Variants in RRP1 observed in about 807,000 individuals in gnomAD.
RRP1 encodes ribosomal RNA processing 1, also known as ribosomal RNA processing protein 1 homolog A.
Under a neutral mutation model 54.6 loss-of-function variants are expected in RRP1, and 37 were observed. That is an observed-to-expected ratio of 0.68 (90% CI 0.52 to 0.89). RRP1 has a LOEUF of 0.89. Among genes scored for constraint, RRP1 ranks in the 40% least tolerant of loss-of-function variants. The pLI is 0.00. For synonymous variants in RRP1, 262 were observed against 244.3 expected, an observed-to-expected ratio of 1.07 and a Z score of -0.67; for missense variants, 639 against 612.5, an observed-to-expected ratio of 1.04 and a Z score of -0.46.
chr21:43,805,104 C>G lies in RRP1; in HGVS notation c.*1330C>G, dbSNP rs1291693336. ...ACCAGACTGACCAACATGGAGAAAC[C>G]CCATCTCTACTAAAATACAAAATTA... is the stretch of plus-strand genomic sequence containing the variant. On this transcript the variant is annotated 3_prime_UTR_variant, in exon 13 of 13. Transcript: ENST00000497547. 6.6e-6 allele frequency: 1 copy of G among 152,208 alleles called. No individual in the cohort carries two copies. Among genetic ancestry groups the G allele is most frequent in the Non-Finnish European group, 1.5e-5 (1 of 68,104 alleles). 9.4% of individuals were successfully genotyped at this position (152,208 alleles called of 1,614,324 possible). A position where few individuals can be genotyped will look rare whatever the true frequency, so the allele number is the denominator to read the frequency against.
chr21:43,792,930 C>G (rs1457653817), intron 3 of RRP1: 1 of 599,410 alleles, frequency 1.7e-6, no homozygotes, highest in African/African-American at 1.9e-5. Flanking sequence ...GCTCATTTAC[C>G]CAAAACCCTC....
At chr21:43,798,987 T>C (rs2085053992) in intron 8 of RRP1, among the ~76,000 whole-genome samples, 2 of 147,750 alleles carry the variant, frequency 1.4e-5, no homozygotes, top group Admixed American at 6.8e-5. Flanking sequence ...TCTCAGTAGC[T>C]GAGGTGCCTG....
At chr21:43,791,039 G>A (rs1237286606) in intron 1 of RRP1, 5 of 498,970 alleles carry the variant, frequency 1.0e-5, no homozygotes, top group Non-Finnish European at 1.6e-5. Context: ...CCACTGTCCA[G>A]CTTAGGAAAC....
At chr21:43,803,209 C>T (rs1214905536) in intron 12 of RRP1, among the ~76,000 whole-genome samples, 1 of 152,224 alleles carries the variant, frequency 6.6e-6, no homozygotes, top group Non-Finnish European at 1.5e-5. Flanking sequence ...CACTGCCTGG[C>T]GTCCTGTTCT....
intron 4 of RRP1, among the ~76,000 whole-genome samples, chr21:43,794,533 G>A (rs1039041096): frequency 1.3e-5 from 2 of 152,266 alleles, no homozygotes; most frequent in East Asian, 1.9e-4. Flanking sequence ...CTCTGTCATC[G>A]GGGCTCCTGG....
chr21:43,797,414 T>A lies in RRP1; in HGVS notation c.423-8T>A. 1.2e-6 allele frequency: 2 copies of A among 1,606,564 alleles called. No homozygotes were observed. Among genetic ancestry groups the A allele is most frequent in the Non-Finnish European group, 1.7e-6 (2 of 1,178,186 alleles). On this transcript the variant is annotated splice_polypyrimidine_tract_variant and splice_region_variant and intron_variant, in intron 5 of 12. Transcript: ENST00000497547. ...GCTGCCTGTCATGTTTGCTTTTTCT[T>A]TCCTCAGACAGATCGAGGAGCTGCT...
At position 43,803,535 on chromosome 21, in the gene RRP1, A is replaced by G; in HGVS notation, c.1147A>G (p.Ser383Gly). Reference protein sequence around the residue: ...ERGKGEKEPPSPGMERKRSRR... With the variant: ...ERGKGEKEPPGPGMERKRSRR... Reference sequence around the variant, plus strand: ...AGGGAAAGGTGAGAAGGAGCCCCCGAGCCCGGGCATGGAGAGGAAGAGGAG... The same window carrying G: ...AGGGAAAGGTGAGAAGGAGCCCCCGGGCCCGGGCATGGAGAGGAAGAGGAG... The change falls in exon 13 of 13, where the codon AGC (serine) becomes GGC (glycine). Residue 383 changes from serine (S) to glycine (G), a missense_variant. Transcript: ENST00000497547. 1 of 1,557,110 alleles carries G rather than the reference A, an allele frequency of 6.4e-7. No individual in the cohort carries two copies. Among genetic ancestry groups the G allele is most frequent in the East Asian group, 2.4e-5 (1 of 41,942 alleles).
At chr21:43,803,429 T>C (rs2085112850) in intron 12 of RRP1, 83 bp from the exon 13 acceptor site, 1 of 1,463,902 alleles carries the variant, frequency 6.8e-7, no homozygotes, top group South Asian at 1.4e-5. Context: ...TCTGTGGTGC[T>C]GGCATCCTCA....
rs772142270 is a variant in RRP1, at chr21:43,803,653, C to G, written c.1265C>G (p.Pro422Arg). 33 of 1,551,542 alleles carry G rather than the reference C, an allele frequency of 2.1e-5. No individual in the cohort carries two copies. In the African/African-American group the frequency reaches 3.0e-4, roughly 14 times the overall value. ...GAGCGGGCCCTGCTCCGAGATCAGC[C>G]CAGGGGCCGTGGCCAGAGAGGGGCT... is the stretch of plus-strand genomic sequence containing the variant. ...TAERALLRDQ[P>R]RGRGQRGARQ... The change falls in exon 13 of 13, where the codon CCC (proline) becomes CGC (arginine). Residue 422 changes from proline to arginine, a missense_variant. Pro to Arg is a moderately radical substitution (Grantham distance 103). Transcript: ENST00000497547.
intron 1 of RRP1, among the ~76,000 whole-genome samples, chr21:43,790,290 G>C (rs1008719366): frequency 6.6e-6 from 1 of 152,206 alleles, no homozygotes; most frequent in African/African-American, 2.4e-5. Flanking sequence ...TATGCCGGGC[G>C]CAGTGGCCCA....
intron 12 of RRP1, among the ~76,000 whole-genome samples, chr21:43,803,229 C>T (rs532743756): frequency 6.6e-6 from 1 of 152,356 alleles, no homozygotes; most frequent in Admixed American, 6.5e-5. Context: ...TTCCACCTCC[C>T]CTTCTGCCTT....
At chr21:43,801,566 T>TGG (rs2085091584) in intron 11 of RRP1, among the ~76,000 whole-genome samples, 1 of 152,204 alleles carries the variant, frequency 6.6e-6, no homozygotes, top group Non-Finnish European at 1.5e-5. Context: ...CTCGATCTCC[T>TGG]GGTCTCAAGC....
chr21:43,799,808 A>C (rs1332497376), intron 9 of RRP1, among the ~76,000 whole-genome samples, 159 bp downstream of exon 9: 2 of 152,120 alleles, frequency 1.3e-5, no homozygotes, highest in African/African-American at 2.4e-5. Context: ...TGGGTGCCCC[A>C]ACCCTGCCCG....
In RRP1 at chr21:43,797,523, A is replaced by G; in HGVS notation, c.524A>G (p.Glu175Gly). Residue 175 changes from glutamate (E) to glycine (G), a missense_variant, in exon 6 of 13, where the codon GAG (glutamate) becomes GGG (glycine). Transcript: ENST00000497547. ...AGCCACTTCATCGAGATCTTCCTGGAGGAGCTGACCAAAGTGGGCGCCGAG... is the reference window on the plus strand; with the variant it reads ...AGCCACTTCATCGAGATCTTCCTGGGGGAGCTGACCAAAGTGGGCGCCGAG... ...VKSHFIEIFL[E>G]ELTKVGAEEL... The G allele has an allele frequency of 1.2e-6, 2 of 1,613,986 alleles. No homozygotes were observed. The highest frequency in any genetic ancestry group is 1.7e-6 in the Non-Finnish European group (2 of 1,179,938).
chr21:43,803,581 C>T lies in RRP1; in HGVS notation c.1193C>T (p.Ala398Val). The T allele has an allele frequency of 6.4e-6, 10 of 1,553,468 alleles. No individual in the cohort carries two copies. The highest frequency in any genetic ancestry group is 8.7e-6 in the Non-Finnish European group (10 of 1,149,002). Residue 398 changes from alanine to valine, a missense_variant, in exon 13 of 13, where the codon GCC (alanine) becomes GTC (valine). Coordinates refer to ENST00000497547, the MANE Select transcript of RRP1 (RefSeq NM_003683.6). ...AGGAGCAGGAGGAGGGGTGTAGGGGCCGACCCCGAGGCGCGGGCAGAGGCT... is the reference window on the plus strand; with the variant it reads ...AGGAGCAGGAGGAGGGGTGTAGGGGTCGACCCCGAGGCGCGGGCAGAGGCT... ...RKRSRRRGVG[A>V]DPEARAEAGE...
At chr21:43,797,852 C>A in intron 7 of RRP1, 55 bp from the exon 8 acceptor site, 2 of 1,583,854 alleles carry the variant, frequency 1.3e-6, no homozygotes, top group Non-Finnish European at 8.6e-7. Flanking sequence ...CGGCGGCTTC[C>A]GCTTGGGAAT....
chr21:43,800,592 C>T lies in RRP1; in HGVS notation c.967C>T (p.Arg323Cys), dbSNP rs200706235. 23 of 1,614,212 alleles carry T rather than the reference C, an allele frequency of 1.4e-5. No homozygotes were observed. Among genetic ancestry groups the T allele is most frequent in the African/African-American group, 5.3e-5 (4 of 75,068 alleles). Reference protein sequence around the residue: ...RQSTPSQNRKRLYKVIRKLQD... With the variant: ...RQSTPSQNRKCLYKVIRKLQD... ...GAGCACCCCTTCTCAGAACAGAAAG[C>T]GTCTCTACAAAGTGATCCGGAAGTG... Residue 323 changes from arginine to cysteine, a missense_variant, in exon 10 of 13, where the codon CGT becomes TGT. Coordinates refer to ENST00000497547, the MANE Select transcript of RRP1 (RefSeq NM_003683.6).
chr21:43,795,291 C>T (rs2838374), intron 5 of RRP1, 41 bp downstream of exon 5: 108,284 of 1,591,776 alleles, frequency 0.068, 4,415 homozygotes, highest in South Asian at 0.15. Context: ...ACGCTGTTCT[C>T]GGGGACCGCA....
chr21:43,791,511 T>C, intron 2 of RRP1, 79 bp downstream of exon 2: 1 of 1,359,506 alleles, frequency 7.4e-7, no homozygotes, highest in South Asian at 1.2e-5. Context: ...CAGTTTTTCT[T>C]TTTTTTTTAA....
Sources: gnomAD v4.1 joint callset for allele counts (sites outside exome capture counted in the v4.1 genomes callset) on GRCh38, gnomAD v4.1.1 for gene constraint, MANE v1.5 for transcripts, NCBI Gene and HGNC (gene_info 2026-07-23, HGNC 2026-07-21) for gene names.